PPARGC1A: variants seen among roughly 807,000 people sequenced by gnomAD.
The protein encoded by PPARGC1A is PPARG coactivator 1 alpha, also known as peroxisome proliferator-activated receptor gamma coactivator 1-alpha.
A neutral mutation model predicts 88.7 loss-of-function variants in PPARGC1A; 25 were observed. The observed-to-expected ratio is 0.28, with a 90% confidence interval of 0.21 to 0.39. The LOEUF (loss-of-function observed/expected upper bound fraction) is 0.39. PPARGC1A is among the 10% of genes least tolerant of loss of function. PPARGC1A has a pLI of 1.00. For synonymous variants in PPARGC1A, 363 were observed against 355.6 expected (o/e 1.02, Z -0.24); for missense variants, 880 against 968.7 (o/e 0.91, Z 1.22).
chr4:24,002,097 C>CAGAGAGAGAGAGAGAGAG, the PPARGC1A span, among the ~76,000 whole-genome samples: 17 of 125,376 alleles, frequency 1.4e-4, no homozygotes, highest in South Asian at 2.8e-3. Flanking sequence ...CACACACACA[C>CAGAGAGAGAGAGAGAGAG]AGAGAGAGAG....
At chr4:24,295,867 T>C in the PPARGC1A span, among the ~76,000 whole-genome samples, 1 of 151,226 alleles carries the variant, frequency 6.6e-6, no homozygotes. Flanking sequence ...ATCAAGAATG[T>C]CTCAATTTTT....
At chr4:24,277,915 C>A in the PPARGC1A span, among the ~76,000 whole-genome samples, 1 of 152,012 alleles carries the variant, frequency 6.6e-6, no homozygotes, top group Non-Finnish European at 1.5e-5. Flanking sequence ...TGGCTCATAC[C>A]CGTAACCCCA....
chr4:24,361,291 A>G, the PPARGC1A span, among the ~76,000 whole-genome samples: 1 of 152,230 alleles, frequency 6.6e-6, no homozygotes, highest in South Asian at 2.1e-4. Context: ...GGAAAGCAGC[A>G]TAGATGATAA....
the PPARGC1A span, among the ~76,000 whole-genome samples, chr4:24,268,247 A>G: frequency 6.6e-6 from 1 of 152,192 alleles, no homozygotes; most frequent in African/African-American, 2.4e-5. Flanking sequence ...GGGTGGGTTA[A>G]TTTTCAGTGT....
At chr4:24,441,395 G>A in the PPARGC1A span, among the ~76,000 whole-genome samples, 2 of 152,180 alleles carry the variant, frequency 1.3e-5, no homozygotes, top group Non-Finnish European at 2.9e-5. Context: ...GGTGCTGCTG[G>A]GAGGACATCA....
At chr4:24,213,080 T>C in the PPARGC1A span, among the ~76,000 whole-genome samples, 17 of 151,846 alleles carry the variant, frequency 1.1e-4, no homozygotes, top group African/African-American at 4.1e-4. Flanking sequence ...CTTCATGTCA[T>C]GCTTCTAATC....
At chr4:24,187,476 G>A in the PPARGC1A span, among the ~76,000 whole-genome samples, 3 of 152,164 alleles carry the variant, frequency 2.0e-5, no homozygotes, top group Admixed American at 2.0e-4. Context: ...TTGGAGTTCA[G>A]GAGCCCCGGG....
At chr4:24,072,681 T>C in the PPARGC1A span, among the ~76,000 whole-genome samples, 1 of 152,184 alleles carries the variant, frequency 6.6e-6, no homozygotes, top group Non-Finnish European at 1.5e-5. Flanking sequence ...ATGAGATTTA[T>C]CCCTTTAGGC....
At position 23,824,364 on chromosome 4, in the gene PPARGC1A, T is replaced by C. The variant is rs1723544267; in HGVS notation, c.804-11A>G. The C allele has an allele frequency of 6.2e-7, 1 of 1,613,030 alleles. No individual in the cohort carries two copies. Among genetic ancestry groups the C allele is most frequent in the African/African-American group, 1.3e-5 (1 of 74,974 alleles). On this transcript the variant is annotated splice_polypyrimidine_tract_variant and intron_variant, in intron 6 of 12. Transcript: ENST00000264867. ...GAACCCTTGGGGTCACTGGAAGATA[T>C]GGCACATTTATAAAAACAAACTGAA...
chr4:23,946,465 G>A, the PPARGC1A span, among the ~76,000 whole-genome samples: 2 of 152,098 alleles, frequency 1.3e-5, no homozygotes, highest in Non-Finnish European at 2.9e-5. Context: ...GCTTCCGCTT[G>A]AAGAATGGCC....
the PPARGC1A span, among the ~76,000 whole-genome samples, chr4:24,212,810 C>A: frequency 6.6e-6 from 1 of 152,196 alleles, no homozygotes; most frequent in East Asian, 1.9e-4. Context: ...ATCCTCCTAG[C>A]CCATTCTTAC....
At chr4:24,186,639 C>T in the PPARGC1A span, among the ~76,000 whole-genome samples, 1 of 152,170 alleles carries the variant, frequency 6.6e-6, no homozygotes, top group South Asian at 2.1e-4. Flanking sequence ...TGCTATTCCT[C>T]ACACTCTATT....
At chr4:23,858,179 A>G (rs1278055003) in intron 2 of PPARGC1A, among the ~76,000 whole-genome samples, 1 of 152,060 alleles carries the variant, frequency 6.6e-6, no homozygotes, top group Admixed American at 6.6e-5. Flanking sequence ...AATTCTGTCA[A>G]AATGCATACC....
At chr4:24,457,524 GTTTT>G in the PPARGC1A span, among the ~76,000 whole-genome samples, 52 of 130,678 alleles carry the variant, frequency 4.0e-4, 1 homozygote, top group Non-Finnish European at 2.6e-4. Context: ...AAAAGATACT[GTTTT>G]TTGTTTGTTT....
At chr4:24,347,509 T>G in the PPARGC1A span, among the ~76,000 whole-genome samples, 1 of 152,192 alleles carries the variant, frequency 6.6e-6, no homozygotes, top group African/African-American at 2.4e-5. Flanking sequence ...TTATATACTG[T>G]CCCTCTTTGT....
At chr4:24,120,446 T>A in the PPARGC1A span, among the ~76,000 whole-genome samples, 1 of 152,214 alleles carries the variant, frequency 6.6e-6, no homozygotes, top group Non-Finnish European at 1.5e-5. Context: ...TCCTGTCCTT[T>A]ACATGCAATA....
the PPARGC1A span, among the ~76,000 whole-genome samples, chr4:24,253,401 G>A: frequency 1.1e-3 from 160 of 152,270 alleles, 2 homozygotes; most frequent in African/African-American, 3.8e-3. Context: ...AGTGAATTAG[G>A]ACAAAGTTTG....
chr4:24,095,751 A>C, the PPARGC1A span, among the ~76,000 whole-genome samples: 2 of 152,194 alleles, frequency 1.3e-5, no homozygotes, highest in African/African-American at 4.8e-5. Context: ...AAACCAAGGC[A>C]CTGGCAGGTC....
At chr4:24,154,346 G>A in the PPARGC1A span, among the ~76,000 whole-genome samples, 1 of 152,176 alleles carries the variant, frequency 6.6e-6, no homozygotes, top group Non-Finnish European at 1.5e-5. Context: ...ATGACATCCT[G>A]CACAAGCACA....
Sources: allele counts gnomAD v4.1 joint callset (sites outside exome capture counted in the v4.1 genomes callset), GRCh38; gene constraint gnomAD v4.1.1; transcripts MANE v1.5; gene names NCBI Gene and HGNC (gene_info 2026-07-23, HGNC 2026-07-21).